The following FBXL7 variants were observed in gnomAD, a reference collection of about 807,000 sequenced individuals.
The protein encoded by FBXL7 is F-box and leucine rich repeat protein 7, also known as F-box/LRR-repeat protein 7.
Under a neutral mutation model 38.3 loss-of-function variants are expected in FBXL7, and 12 were observed. The ratio of observed to expected loss-of-function variants is 0.31; its 90% CI spans 0.20 to 0.51. The LOEUF is 0.51. Among genes scored for constraint, FBXL7 ranks in the 20% least tolerant of loss-of-function variants. The probability of loss-of-function intolerance (pLI) is 0.98; values close to 1 mark genes in which losing one functional copy is unlikely to be tolerated. For missense variants in FBXL7, 567 were observed against 676.4 expected (o/e 0.84, Z 1.79); for synonymous variants, 297 against 300.9 (o/e 0.99, Z 0.13).
At chr5:15,602,105 G>C (rs1739815164) in intron 1 of FBXL7, 6 of 152,184 alleles carry the variant, frequency 3.9e-5, no homozygotes, top group Admixed American at 3.9e-4. Flanking sequence ...TGAGGACAGA[G>C]GCATGGATCA....
intron 1 of FBXL7, among the ~76,000 whole-genome samples, chr5:15,588,841 G>A (rs1340614311): frequency 2.0e-5 from 3 of 152,076 alleles, no homozygotes; most frequent in Admixed American, 2.0e-4. Context: ...GTTTTTGAAG[G>A]TCTATACAAT....
chr5:15,921,179 C>T (rs369459119), intron 2 of FBXL7, among the ~76,000 whole-genome samples: 8 of 152,112 alleles, frequency 5.3e-5, no homozygotes, highest in South Asian at 4.2e-4. Flanking sequence ...GTCAGGAGTT[C>T]GAGACCAGCC....
chr5:15,913,948 G>A (rs1741513015), intron 2 of FBXL7, among the ~76,000 whole-genome samples: 1 of 152,170 alleles, frequency 6.6e-6, no homozygotes, highest in African/African-American at 2.4e-5. Flanking sequence ...GGGGAGGGCA[G>A]GGGGACAGGA....
chr5:15,643,163 G>A lies in FBXL7; in HGVS notation c.127+27091G>A, dbSNP rs142809201. On this transcript the variant is annotated intron_variant, in intron 2 of 3. Coordinates refer to ENST00000504595, the MANE Select transcript of FBXL7 (RefSeq NM_012304.5). ...TGTAAATCTCAGTGAACTCTCTAGC[G>A]ACAAGAGTCCCAATCCTTAGGCTTC... Among the ~76,000 whole-genome samples the A allele has an allele frequency of 5.9e-5, 9 of 152,226 alleles. No individual in the cohort carries two copies. The East Asian group carries it at 1.5e-3, about 26-fold the overall frequency.
chr5:15,665,037 G>A (rs1742223965), intron 2 of FBXL7, among the ~76,000 whole-genome samples: 1 of 152,080 alleles, frequency 6.6e-6, no homozygotes, highest in African/African-American at 2.4e-5. Flanking sequence ...GAAGTTTGCT[G>A]TCATTCCTCT....
intron 2 of FBXL7, among the ~76,000 whole-genome samples, chr5:15,922,860 T>C (rs1019768070): frequency 4.6e-5 from 7 of 152,214 alleles, no homozygotes; most frequent in African/African-American, 1.7e-4. Flanking sequence ...TGCTAAACTG[T>C]ATTTTAGCCC....
At chr5:15,678,790 G>A (rs1354388129) in intron 2 of FBXL7, among the ~76,000 whole-genome samples, 3 of 152,124 alleles carry the variant, frequency 2.0e-5, no homozygotes, top group Admixed American at 2.0e-4. Flanking sequence ...CATGCTTTCT[G>A]TCTTTCACCA....
intron 2 of FBXL7, among the ~76,000 whole-genome samples, chr5:15,742,051 A>G (rs533795382): frequency 1.3e-5 from 2 of 152,200 alleles, no homozygotes; most frequent in South Asian, 2.1e-4. Context: ...AAATGCGCAT[A>G]TGTGTTACTG....
At chr5:15,797,114 A>G (rs1026205452) in intron 2 of FBXL7, among the ~76,000 whole-genome samples, 3 of 152,234 alleles carry the variant, frequency 2.0e-5, no homozygotes, top group African/African-American at 7.2e-5. Context: ...CTGAGTGACC[A>G]TCTTGGCTCT....
intron 2 of FBXL7, among the ~76,000 whole-genome samples, chr5:15,670,821 TAAAAAA>T (rs139515877): frequency 1.3e-5 from 2 of 148,848 alleles, no homozygotes; most frequent in African/African-American, 5.0e-5. Context: ...AAAATAAAAA[TAAAAAA>T]AAAATAAATA....
chr5:15,927,852 G>A (rs1741923573), intron 2 of FBXL7, 38 bp from the exon 3 acceptor site: 6 of 1,490,734 alleles, frequency 4.0e-6, no homozygotes, highest in East Asian at 4.7e-5. Context: ...CTCTGCTGAG[G>A]CCATCATGAT....
At chr5:15,536,225 G>A (rs150647102) in intron 1 of FBXL7, among the ~76,000 whole-genome samples, 30 of 152,384 alleles carry the variant, frequency 2.0e-4, no homozygotes, top group African/African-American at 7.0e-4. Context: ...CCTCTGCTGG[G>A]GCAATGCGGA....
intron 1 of FBXL7, among the ~76,000 whole-genome samples, chr5:15,614,512 C>T (rs1740375534): frequency 1.3e-5 from 2 of 152,190 alleles, no homozygotes; most frequent in Non-Finnish European, 2.9e-5. Flanking sequence ...TCAAGTGATC[C>T]ATGTGCCTCG....
At chr5:15,753,040 T>C (rs554671984) in intron 2 of FBXL7, among the ~76,000 whole-genome samples, 4 of 152,296 alleles carry the variant, frequency 2.6e-5, no homozygotes, top group Admixed American at 6.5e-5. Context: ...GCCGCTGCAA[T>C]TCAAGAAGCA....
At chr5:15,791,290 A>G (rs551430619) in intron 2 of FBXL7, among the ~76,000 whole-genome samples, 1 of 152,300 alleles carries the variant, frequency 6.6e-6, no homozygotes, top group African/African-American at 2.4e-5. Flanking sequence ...GACAGAACCT[A>G]ACACGTTTAA....
intron 1 of FBXL7, among the ~76,000 whole-genome samples, chr5:15,576,239 T>C (rs1738964206): frequency 6.6e-6 from 1 of 152,006 alleles, no homozygotes; most frequent in Non-Finnish European, 1.5e-5. Flanking sequence ...TGAGCCACCA[T>C]GCCCAGCTAA....
At chr5:15,861,076 T>C (rs1739453400) in intron 2 of FBXL7, among the ~76,000 whole-genome samples, 2 of 152,200 alleles carry the variant, frequency 1.3e-5, no homozygotes, top group Admixed American at 1.3e-4. Context: ...TCTTTAACAC[T>C]GCATGTTTTG....
chr5:15,802,191 T>G (rs185628321), intron 2 of FBXL7, among the ~76,000 whole-genome samples: 18 of 152,228 alleles, frequency 1.2e-4, no homozygotes, highest in African/African-American at 3.9e-4. Context: ...GAGACCATCA[T>G]CCCTTCCCTC....
chr5:15,834,898 G>C (rs1397401077), intron 2 of FBXL7, among the ~76,000 whole-genome samples: 1 of 152,126 alleles, frequency 6.6e-6, no homozygotes, highest in East Asian at 1.9e-4. Context: ...GACCTAAGTA[G>C]GCAACAAAAA....
Sources: gnomAD v4.1 joint callset for allele counts (sites outside exome capture counted in the v4.1 genomes callset) on GRCh38, gnomAD v4.1.1 for gene constraint, MANE v1.5 for transcripts, NCBI Gene and HGNC (gene_info 2026-07-23, HGNC 2026-07-21) for gene names.